The following SELENOV variants were observed in gnomAD, a reference collection of about 807,000 sequenced individuals.
SELENOV encodes selenoprotein V.
A neutral mutation model predicts 21.6 loss-of-function variants in SELENOV; 25 were observed. The observed-to-expected ratio is 1.16, with a 90% CI of 0.84 to 1.62. The LOEUF (loss-of-function observed/expected upper bound fraction) is 1.62. Ranked by LOEUF, SELENOV falls within the 40% of genes most tolerant of loss-of-function variation. The probability of loss-of-function intolerance (pLI) is 0.00; values close to 1 mark genes in which losing one functional copy is unlikely to be tolerated. For synonymous variants in SELENOV, 227 were observed against 216.9 expected (o/e 1.05, Z -0.41); for missense variants, 472 against 459.0 (o/e 1.03, Z -0.26).
chr19:39,516,172 C>G (rs1487023908), intron 1 of SELENOV, 151 bp downstream of exon 1: 6 of 727,852 alleles, frequency 8.2e-6, no homozygotes, highest in South Asian at 1.5e-5. Context: ...ATTGGAAACC[C>G]GCTCTTGTCT....
At chr19:39,519,438 G>T (rs941582465) in intron 5 of SELENOV, among the ~76,000 whole-genome samples, 1 of 152,022 alleles carries the variant, frequency 6.6e-6, no homozygotes, top group African/African-American at 2.4e-5. Flanking sequence ...CTTGAGCCCA[G>T]GAGTTCGAGA....
At chr19:39,516,944 A>C (rs1424105435) in intron 1 of SELENOV, among the ~76,000 whole-genome samples, 1 of 151,730 alleles carries the variant, frequency 6.6e-6, no homozygotes, top group Non-Finnish European at 1.5e-5. Context: ...TGATCCACCC[A>C]CCTTGGCCTC....
intron 1 of SELENOV, among the ~76,000 whole-genome samples, chr19:39,517,035 A>T (rs1051956464): frequency 1.4e-5 from 2 of 148,054 alleles, no homozygotes; most frequent in African/African-American, 5.1e-5. Flanking sequence ...GGGGTCGGGG[A>T]TGGGGTGCGG....
chr19:39,519,921 C>T lies in SELENOV; in HGVS notation c.*23-225C>T, dbSNP rs554529819. ...CGGAGCTTGCAGTGAGCTGAGATGG[C>T]GCCACTGCACTCCAGCCTGGGCGAC... is the stretch of plus-strand genomic sequence containing the variant. On this transcript the variant is annotated intron_variant, in intron 5 of 5. Coordinates refer to ENST00000335426, the Ensembl canonical transcript of SELENOV. 4.9e-4 allele frequency among the ~76,000 whole-genome samples: 66 copies of T among 134,034 alleles called. No homozygotes were observed. The Middle Eastern group carries it at 0.013, about 27-fold the overall frequency. The allele number at this position is 134,034 out of a possible 152,430, so 87.9% of individuals were successfully genotyped here.
intron 1 of SELENOV, among the ~76,000 whole-genome samples, chr19:39,517,964 CAAAAA>C (rs56157115): frequency 2.4e-4 from 3 of 12,370 alleles, no homozygotes; most frequent in African/African-American, 3.1e-4. Flanking sequence ...GACTCTGTCT[CAAAAA>C]AAAAAAAAAA....
intron 1 of SELENOV, chr19:39,516,251 G>A: frequency 1.5e-6 from 1 of 683,542 alleles, no homozygotes; most frequent in African/African-American, 1.8e-5. Context: ...TCATTCATTC[G>A]TTTCTGAGTG....
rs750238588 is a variant in SELENOV at position 39,519,014 on chromosome 19, G to A, written c.963+37G>A. ...TAAAGGTCCGGGACAGGGAGGTGGG[G>A]TGGTGCTGAGGTCCTGGGGGTGGGA... is the stretch of plus-strand genomic sequence containing the variant. On this transcript the variant is annotated intron_variant, in intron 4 of 5. Transcript: ENST00000335426. 2.5e-6 allele frequency: 4 copies of A among 1,612,816 alleles called. No individual in the cohort carries two copies. In the African/African-American group the frequency reaches 4.0e-5, roughly 16 times the overall value.
In SELENOV at chr19:39,518,739, G is replaced by GT. The variant is rs1327910131; in HGVS notation, c.835dup (p.Tyr279LeufsTer?). The GT allele has an allele frequency of 1.2e-6, 2 of 1,613,686 alleles. No homozygotes were observed. The highest frequency in any genetic ancestry group is 2.7e-5 in the African/African-American group (2 of 74,880). ...CCCATGACCCCATCTCCTCCCCTCA[G>GT]TACATTCTACTGAAAAAGAGCCTGG... On this transcript the variant is annotated frameshift_variant and splice_region_variant. Transcript: ENST00000335426. LOFTEE classifies it high-confidence loss of function.
chr19:39,518,883 C>T lies in SELENOV; in HGVS notation c.889-20C>T, dbSNP rs924706204. ...GGAGGAGAGAGCTTAGCCTCCCCTA[C>T]GCTCACCATTTCCTCCCAGGAGGAG... On this transcript the variant is annotated intron_variant, in intron 3 of 5. Coordinates refer to ENST00000335426, the Ensembl canonical transcript of SELENOV. 32 of 1,613,420 alleles carry T rather than the reference C, an allele frequency of 2.0e-5. No homozygotes were observed. The highest frequency in any genetic ancestry group is 6.7e-5 in the Admixed American group (4 of 59,998).
chr19:39,515,387 C>T lies in SELENOV; in HGVS notation c.175C>T (p.Pro59Ser), dbSNP rs777774862. The change falls in exon 1 of 6, where the codon CCT becomes TCT. Residue 59 changes from proline (P) to serine (S), a missense_variant. Coordinates refer to ENST00000335426, the Ensembl canonical transcript of SELENOV. This position sits in a 1 kb window ranked among gnomAD's most constrained non-coding sequence, Gnocchi z 5.1. ...GACTCCGTCTCCAGCCGGGACTTCC[C>T]CTCTGGTCCTGACTCCTGCTCCAGC... 24 of 1,551,582 alleles carry T rather than the reference C, an allele frequency of 1.5e-5. No homozygotes were observed. Among genetic ancestry groups the T allele is most frequent in the Middle Eastern group, 1.7e-4 (1 of 5,992 alleles).
intron 4 of SELENOV, 38 bp from the exon 5 acceptor site, chr19:39,519,033 G>A: frequency 6.2e-7 from 1 of 1,612,810 alleles, no homozygotes; most frequent in Non-Finnish European, 8.5e-7. Flanking sequence ...AGGTCCTGGG[G>A]GTGGGAGACC....
chr19:39,515,282 C>A lies in SELENOV; in HGVS notation c.70C>A (p.Pro24Thr). The A allele has an allele frequency of 6.4e-7, 1 of 1,551,190 alleles. No individual in the cohort carries two copies. The highest frequency in any genetic ancestry group is 8.7e-7 in the Non-Finnish European group (1 of 1,146,916). The change falls in exon 1 of 6, where the codon CCG becomes ACG. Residue 24 changes from proline (P) to threonine (T), a missense_variant. Transcript: ENST00000335426. The surrounding 1 kb of genome is among the most constrained non-coding windows in gnomAD (Gnocchi z 5.1). ...TTCAACCTCAGTCCGGGCTTCTACC[C>A]CGACCCGGACACCGACTCCACTCCG... is the stretch of plus-strand genomic sequence containing the variant.
intron 1 of SELENOV, chr19:39,516,270 G>A (rs182573126): frequency 1.4e-5 from 9 of 661,988 alleles, no homozygotes; most frequent in Admixed American, 4.1e-5. Flanking sequence ...TGCCCCGCGG[G>A]CCAAGTGCCA....
intron 5 of SELENOV, among the ~76,000 whole-genome samples, chr19:39,519,834 G>A (rs1221137845): frequency 2.6e-5 from 4 of 151,782 alleles, no homozygotes; most frequent in South Asian, 4.2e-4. Context: ...GCGTGGTGGC[G>A]GGTGCCTGTA....
At chr19:39,517,771 A>C (rs561564035) in intron 1 of SELENOV, among the ~76,000 whole-genome samples, 1 of 151,636 alleles carries the variant, frequency 6.6e-6, no homozygotes, top group African/African-American at 2.4e-5. Flanking sequence ...CCTGGGCAAC[A>C]CGGCAACATG....
exon 5 of SELENOV, chr19:39,519,099 G>A (rs767434780): frequency 1.9e-6 from 3 of 1,613,722 alleles, no homozygotes; most frequent in South Asian, 1.1e-5. Flanking sequence ...AACGAGTCCA[G>A]GCTGCAGAAA....
At chr19:39,518,861 G>A in intron 3 of SELENOV, 42 bp from the exon 4 acceptor site, 1 of 1,613,078 alleles carries the variant, frequency 6.2e-7, no homozygotes, top group Non-Finnish European at 8.5e-7. Context: ...GGGGCTTGGA[G>A]GAGAGAGCTT....
At chr19:39,518,303 A>AAAAAAAAAAAG (rs1555756241) in intron 1 of SELENOV, among the ~76,000 whole-genome samples, 5 of 150,358 alleles carry the variant, frequency 3.3e-5, no homozygotes, top group African/African-American at 9.8e-5. Context: ...ACAAAAAAAA[A>AAAAAAAAAAAG]AGAGAGAGAG....
chr19:39,519,964 C>CAAAAAAAAAAAAAAAA, intron 5 of SELENOV, among the ~76,000 whole-genome samples, 182 bp from the exon 6 acceptor site: 1 of 76,926 alleles, frequency 1.3e-5, no homozygotes, highest in Non-Finnish European at 2.4e-5. Context: ...GACTCTGTCT[C>CAAAAAAAAAAAAAAAA]AAAAAAAAAA....
Sources: gnomAD v4.1 joint callset for allele counts (sites outside exome capture counted in the v4.1 genomes callset) on GRCh38, gnomAD v4.1.1 for gene constraint, Gnocchi (gnomAD v3.1) non-coding constraint, MANE v1.5 for transcripts, NCBI Gene and HGNC (gene_info 2026-07-23, HGNC 2026-07-21) for gene names.